Variants in NDUFV3 observed in about 807,000 individuals in gnomAD.
NDUFV3 encodes the protein NADH:ubiquinone oxidoreductase subunit V3.
In NDUFV3, 44 loss-of-function variants were observed where a neutral mutation model predicts 37.5. The observed-to-expected ratio is 1.17, with a 90% confidence interval of 0.92 to 1.51. The LOEUF (loss-of-function observed/expected upper bound fraction) is 1.51. Ranked by LOEUF, NDUFV3 falls within the 40% of genes most tolerant of loss-of-function variation. The pLI is 0.00. For missense variants in NDUFV3, 580 were observed against 580.4 expected, an observed-to-expected ratio of 1.00 and a Z score of 0.01; for synonymous variants, 235 against 239.3, an observed-to-expected ratio of 0.98 and a Z score of 0.17.
intron 2 of NDUFV3, among the ~76,000 whole-genome samples, chr21:42,899,370 C>T (rs572450070): frequency 6.7e-6 from 1 of 150,260 alleles, no homozygotes; most frequent in African/African-American, 2.5e-5. Flanking sequence ...CTCCCTGATT[C>T]AAGCAATTCT....
Position 42,904,118 on chromosome 21 carries a change from C to G in NDUFV3, c.1106C>G (p.Ala369Gly). The stretch of plus-strand genomic sequence containing the variant: ...GAAGGCCACCTGAAGGGTGGACAGG[C>G]AATCGTGGAAGATCAGATACCACCA... Reference protein sequence around the residue: ...GIEGHLKGGQAIVEDQIPPSN... With the variant: ...GIEGHLKGGQGIVEDQIPPSN... The change falls in exon 3 of 4, where the codon GCA becomes GGA. Residue 369 changes from alanine to glycine, a missense_variant. Physicochemically the swap from Ala to Gly is moderately conservative, Grantham distance 60. Transcript: ENST00000354250. 1.2e-6 allele frequency: 2 copies of G among 1,614,230 alleles called. No homozygotes were observed. The highest frequency in any genetic ancestry group is 2.2e-5 in the South Asian group (2 of 91,092).
chr21:42,900,378 C>T (rs1465540587), intron 2 of NDUFV3, among the ~76,000 whole-genome samples: 1 of 152,160 alleles, frequency 6.6e-6, no homozygotes, highest in East Asian at 1.9e-4. Context: ...TGGCGGACGC[C>T]TGTAATCCCA....
intron 2 of NDUFV3, among the ~76,000 whole-genome samples, chr21:42,899,637 G>T (rs2058710535): frequency 1.3e-5 from 2 of 152,136 alleles, no homozygotes; most frequent in African/African-American, 4.8e-5. Flanking sequence ...TAGAGACGGG[G>T]TTTCACCATG....
intron 2 of NDUFV3, among the ~76,000 whole-genome samples, chr21:42,897,874 C>T (rs1337880578): frequency 6.6e-6 from 1 of 151,876 alleles, no homozygotes; most frequent in African/African-American, 2.4e-5. Flanking sequence ...GGTGGGGTTT[C>T]ACCATGTTAG....
chr21:42,908,886 G>C lies in NDUFV3; in HGVS notation c.1287G>C (p.Glu429Asp). 5.6e-6 allele frequency: 9 copies of C among 1,614,160 alleles called. No individual in the cohort carries two copies. The highest frequency in any genetic ancestry group is 7.6e-6 in the Non-Finnish European group (9 of 1,180,038). The change falls in exon 4 of 4, where the codon GAG (glutamate) becomes GAC (aspartate). Residue 429 changes from glutamate to aspartate, a missense_variant. By Grantham distance (45) the Glu-to-Asp change is conservative (BLOSUM62 2). Coordinates refer to ENST00000354250, the MANE Select transcript of NDUFV3 (RefSeq NM_021075.4). ...CAGAGCCAGCCCCAGTGCCTGCTGAGCCGTTTGACAACACTACCTACAAGA... is the reference window on the plus strand; with the variant it reads ...CAGAGCCAGCCCCAGTGCCTGCTGACCCGTTTGACAACACTACCTACAAGA... The part of the protein sequence containing the change: ...GTQEPAPVPA[E>D]PFDNTTYKNL...
intron 1 of NDUFV3, among the ~76,000 whole-genome samples, chr21:42,893,615 G>A (rs2058668075): frequency 6.6e-6 from 1 of 152,170 alleles, no homozygotes; most frequent in South Asian, 2.1e-4. Flanking sequence ...CGCTGCCCGA[G>A]GCCCAGGCCG....
intron 1 of NDUFV3, among the ~76,000 whole-genome samples, chr21:42,896,509 C>G (rs1192523639): frequency 6.6e-6 from 1 of 151,836 alleles, no homozygotes; most frequent in East Asian, 1.9e-4. Context: ...AACTCCTGAC[C>G]TCAAGTGATC....
At chr21:42,908,411 C>T (rs1422572813) in intron 3 of NDUFV3, among the ~76,000 whole-genome samples, 5 of 151,978 alleles carry the variant, frequency 3.3e-5, no homozygotes, top group African/African-American at 1.2e-4. Context: ...TTTACTGTGG[C>T]TTTTGTAGGC....
intron 3 of NDUFV3, among the ~76,000 whole-genome samples, chr21:42,906,226 C>A (rs559502370): frequency 6.6e-6 from 1 of 152,142 alleles, no homozygotes; most frequent in Non-Finnish European, 1.5e-5. Flanking sequence ...TGGGTCGTGG[C>A]AAACATGAAA....
chr21:42,894,770 C>T (rs556252048), intron 1 of NDUFV3, among the ~76,000 whole-genome samples: 8 of 151,056 alleles, frequency 5.3e-5, no homozygotes, highest in Non-Finnish European at 1.0e-4. Context: ...TTTCTATCAG[C>T]TTTTATATGT....
chr21:42,897,145 ATT>A (rs2058696045), intron 2 of NDUFV3, 98 bp downstream of exon 2: 19 of 1,367,012 alleles, frequency 1.4e-5, no homozygotes, highest in Non-Finnish European at 1.9e-5. Flanking sequence ...TAGCTACGTA[ATT>A]TATGCTTCTT....
intron 2 of NDUFV3, among the ~76,000 whole-genome samples, chr21:42,900,975 C>G (rs1309705723): frequency 6.6e-6 from 1 of 152,160 alleles, no homozygotes; most frequent in African/African-American, 2.4e-5. Context: ...AATTTTGCAA[C>G]AGTCAGTAAT....
At chr21:42,900,642 A>T (rs1189850038) in intron 2 of NDUFV3, among the ~76,000 whole-genome samples, 1 of 152,236 alleles carries the variant, frequency 6.6e-6, no homozygotes, top group Non-Finnish European at 1.5e-5. Context: ...CCTCCATGGC[A>T]CATTGCCAGA....
chr21:42,895,584 G>A (rs896628742), intron 1 of NDUFV3, among the ~76,000 whole-genome samples: 7 of 151,480 alleles, frequency 4.6e-5, no homozygotes, highest in East Asian at 1.9e-4. Flanking sequence ...CCCAGGAGGC[G>A]GAGGTTGCAG....
At chr21:42,901,962 A>G (rs774848798) in intron 2 of NDUFV3, among the ~76,000 whole-genome samples, 1 of 152,212 alleles carries the variant, frequency 6.6e-6, no homozygotes, top group Non-Finnish European at 1.5e-5. Flanking sequence ...TAATCCCAGC[A>G]CTTTGGGAGG....
chr21:42,906,318 C>A (rs1165910885), intron 3 of NDUFV3, among the ~76,000 whole-genome samples: 2 of 152,164 alleles, frequency 1.3e-5, no homozygotes, highest in East Asian at 3.8e-4. Flanking sequence ...GCGGCTCCGT[C>A]CTGTGTCTGC....
In NDUFV3 at chr21:42,898,469, ATGT is replaced by A. The variant is rs1025536436; in HGVS notation, c.169+1430_169+1432del. ...GGCATATCCCTGGCATGTTTTGTTGATGTTGTTGTTTATTTTTTGAAATAGAGT... is the reference window on the plus strand; with the variant it reads ...GGCATATCCCTGGCATGTTTTGTTGATGTTGTTTATTTTTTGAAATAGAGT... On this transcript the variant is annotated intron_variant, in intron 2 of 3. Coordinates refer to ENST00000354250, the MANE Select transcript of NDUFV3 (RefSeq NM_021075.4). Among the ~76,000 whole-genome samples, 27 of 151,712 alleles carry A rather than the reference ATGT, an allele frequency of 1.8e-4. No individual in the cohort carries two copies. In the East Asian group the frequency reaches 3.1e-3, roughly 17 times the overall value.
At chr21:42,908,045 G>A (rs925619059) in intron 3 of NDUFV3, among the ~76,000 whole-genome samples, 3 of 151,890 alleles carry the variant, frequency 2.0e-5, no homozygotes, top group Admixed American at 6.6e-5. Flanking sequence ...GGTGGCTCAC[G>A]CCTGTAATCC....
In NDUFV3 at chr21:42,909,133, T is replaced by TA; in HGVS notation, c.*113dup. Reference sequence around the variant, plus strand: ...CGCTGTGCATAATCGGTTTCACTTTTACCTTTTTTTTTTTTTTTTTTTTTT... The same window carrying TA: ...CGCTGTGCATAATCGGTTTCACTTTTAACCTTTTTTTTTTTTTTTTTTTTTT... On this transcript the variant is annotated 3_prime_UTR_variant, in exon 4 of 4. Coordinates refer to ENST00000354250, the MANE Select transcript of NDUFV3 (RefSeq NM_021075.4). 1 of 1,047,488 alleles carries TA rather than the reference T, an allele frequency of 9.5e-7. No individual in the cohort carries two copies. Among genetic ancestry groups the TA allele is most frequent in the Non-Finnish European group, 1.4e-6 (1 of 727,748 alleles). 64.9% of individuals were successfully genotyped at this position (1,047,488 alleles called of 1,614,324 possible).
Sources: gnomAD v4.1 joint callset for allele counts (sites outside exome capture counted in the v4.1 genomes callset) on GRCh38, gnomAD v4.1.1 for gene constraint, MANE v1.5 for transcripts, NCBI Gene and HGNC (gene_info 2026-07-23, HGNC 2026-07-21) for gene names.